The following ADAMTS9 variants were observed in gnomAD, a reference collection of about 807,000 sequenced individuals.
ADAMTS9 encodes ADAM metallopeptidase with thrombospondin type 1 motif 9.
A neutral mutation model predicts 257.1 loss-of-function variants in ADAMTS9; 107 were observed. The ratio of observed to expected loss-of-function variants is 0.42; its 90% CI spans 0.36 to 0.49. The LOEUF is 0.49. ADAMTS9 is among the 20% of genes least tolerant of loss of function. ADAMTS9 has a pLI of 0.03. For synonymous variants in ADAMTS9, 982 were observed against 880.9 expected, an observed-to-expected ratio of 1.11 and a Z score of -2.03; for missense variants, 2,353 against 2,469.1, an observed-to-expected ratio of 0.95 and a Z score of 1.00.
chr3:64,663,291 G>A (rs959931784), intron 3 of ADAMTS9, among the ~76,000 whole-genome samples: 17 of 151,974 alleles, frequency 1.1e-4, no homozygotes, highest in African/African-American at 3.9e-4. Context: ...GTTTAAAAAA[G>A]AGAAACTATA....
intron 28 of ADAMTS9, among the ~76,000 whole-genome samples, chr3:64,577,983 G>T (rs891034508): frequency 6.6e-6 from 1 of 152,180 alleles, no homozygotes; most frequent in African/African-American, 2.4e-5. Context: ...AGGCCAGCAT[G>T]TCAGGTAGAC....
At chr3:64,640,094 A>G (rs1019973623) in intron 12 of ADAMTS9, among the ~76,000 whole-genome samples, 1 of 152,254 alleles carries the variant, frequency 6.6e-6, no homozygotes, top group Non-Finnish European at 1.5e-5. Context: ...TAGGCTATAT[A>G]GAAAATCTAA....
In ADAMTS9 at chr3:64,641,925, A is replaced by G; in HGVS notation, c.1779T>C (p.Ser593=). 1 of 1,614,054 alleles carries G rather than the reference A, an allele frequency of 6.2e-7. No homozygotes were observed. The highest frequency in any genetic ancestry group is 8.5e-7 in the Non-Finnish European group (1 of 1,180,004). The change falls in exon 12 of 40, where the codon AGT becomes AGC. Residue 593 remains serine (S), a synonymous_variant. Coordinates refer to ENST00000498707, the MANE Select transcript of ADAMTS9 (RefSeq NM_182920.2). ...DVPVTDGSWG[S]WSPFGTCSRT... ...TGGAGCAGGTTCCAAAGGGACTCCA[A>G]CTTCCCCAGGATCCATCTGTCACGG...
In ADAMTS9 at chr3:64,570,675, G is replaced by A. The variant is rs146952928; in HGVS notation, c.4357-2140C>T. On this transcript the variant is annotated intron_variant, in intron 28 of 39. Transcript: ENST00000498707. ...AGCGCCACTGTACTCCAGCCTGGGC[G>A]AAAGAGCAAGACTCCGTCTCAAAAA... Among the ~76,000 whole-genome samples, 1,143 of 115,166 alleles carry A rather than the reference G, an allele frequency of 9.9e-3. 19 individuals are homozygous for A. The highest frequency in any genetic ancestry group is 0.035 in the African/African-American group (1,072 of 30,474). The allele number at this position is 115,166 out of a possible 152,430, so 75.6% of individuals were successfully genotyped here.
intron 19 of ADAMTS9, among the ~76,000 whole-genome samples, chr3:64,616,690 C>T (rs1482170192): frequency 6.6e-6 from 1 of 151,770 alleles, no homozygotes; most frequent in East Asian, 1.9e-4. Flanking sequence ...TCTTTTAATA[C>T]CCTAGGAATA....
At chr3:64,628,158 C>T (rs1006673080) in intron 16 of ADAMTS9, among the ~76,000 whole-genome samples, 1 of 152,200 alleles carries the variant, frequency 6.6e-6, no homozygotes, top group Admixed American at 6.5e-5. Context: ...AGTGTCATAA[C>T]TGGCTCAGAT....
intron 3 of ADAMTS9, among the ~76,000 whole-genome samples, chr3:64,679,361 T>G (rs976100809): frequency 6.6e-6 from 1 of 152,134 alleles, no homozygotes; most frequent in Non-Finnish European, 1.5e-5. Context: ...GGGTCATCAT[T>G]GTGGACTAGC....
intron 26 of ADAMTS9, 110 bp downstream of exon 26, chr3:64,601,834 G>T: frequency 7.6e-7 from 1 of 1,316,404 alleles, no homozygotes; most frequent in Non-Finnish European, 1.0e-6. Flanking sequence ...AATGCACAAT[G>T]TCAATCCCTT....
At chr3:64,650,954 A>C in intron 9 of ADAMTS9, 63 bp downstream of exon 9, 1 of 1,486,112 alleles carries the variant, frequency 6.7e-7, no homozygotes, top group Admixed American at 2.4e-5. Context: ...CTTTCCCACA[A>C]TTAGTTCACT....
intron 28 of ADAMTS9, among the ~76,000 whole-genome samples, chr3:64,573,185 C>T (rs1260312060): frequency 4.0e-5 from 6 of 151,872 alleles, no homozygotes; most frequent in Admixed American, 3.9e-4. Flanking sequence ...TGAGTTATAG[C>T]AGATGCCTGC....
chr3:64,563,411 T>C (rs893125652), intron 29 of ADAMTS9: 2 of 152,182 alleles, frequency 1.3e-5, no homozygotes, highest in African/African-American at 4.8e-5. Flanking sequence ...AGAAAGAATA[T>C]TGTAAACAAA....
chr3:64,558,310 T>C (rs1389253069), intron 30 of ADAMTS9, among the ~76,000 whole-genome samples: 1 of 152,180 alleles, frequency 6.6e-6, no homozygotes, highest in Non-Finnish European at 1.5e-5. Context: ...AAGCCGCAAG[T>C]TGCCCCTATT....
At chr3:64,551,502 C>A (rs766280038) in intron 30 of ADAMTS9, among the ~76,000 whole-genome samples, 4 of 152,200 alleles carry the variant, frequency 2.6e-5, no homozygotes, top group Non-Finnish European at 5.9e-5. Flanking sequence ...AGCCACCACT[C>A]CCGGCCGAGA....
At chr3:64,575,086 T>TTA (rs1202298330) in intron 28 of ADAMTS9, among the ~76,000 whole-genome samples, 1 of 152,172 alleles carries the variant, frequency 6.6e-6, no homozygotes, top group African/African-American at 2.4e-5. Context: ...TTTTCAGGGT[T>TTA]TATTAACTCG....
chr3:64,660,580 C>A (rs1701197724), intron 3 of ADAMTS9, among the ~76,000 whole-genome samples: 1 of 152,166 alleles, frequency 6.6e-6, no homozygotes, highest in South Asian at 2.1e-4. Flanking sequence ...CTGCCTGGGG[C>A]TGGAAATCAT....
At position 64,561,749 on chromosome 3, in the gene ADAMTS9, G is replaced by A; in HGVS notation, c.4527C>T (p.Cys1509=). ...PKWKAGAWSQ[C]SVSCGRGVQQ... Reference sequence around the variant, plus strand: ...GTACGCCTCGGCCACAGGACACAGAGCACTAAGAAGACAGAGAACGTAAGT... The same window carrying A: ...GTACGCCTCGGCCACAGGACACAGAACACTAAGAAGACAGAGAACGTAAGT... The change falls in exon 30 of 40, where the codon TGC becomes TGT. Residue 1509 remains cysteine (C), a splice_region_variant and synonymous_variant. Coordinates refer to ENST00000498707, the MANE Select transcript of ADAMTS9 (RefSeq NM_182920.2). 1.4e-6 allele frequency: 2 copies of A among 1,438,848 alleles called. No individual in the cohort carries two copies. The highest frequency in any genetic ancestry group is 1.9e-6 in the Non-Finnish European group (2 of 1,076,404). The allele number at this position is 1,438,848 out of a possible 1,614,324, so 89.1% of individuals were successfully genotyped here. A position where few individuals can be genotyped will look rare whatever the true frequency, so the allele number is the denominator to read the frequency against.
intron 38 of ADAMTS9, among the ~76,000 whole-genome samples, chr3:64,523,960 A>C (rs2106874213): frequency 6.6e-6 from 1 of 152,304 alleles, no homozygotes; most frequent in South Asian, 2.1e-4. Flanking sequence ...ATGTTTCTCA[A>C]TGGATTGTAC....
At chr3:64,649,898 T>C in intron 9 of ADAMTS9, 120 bp from the exon 10 acceptor site, 1 of 1,243,906 alleles carries the variant, frequency 8.0e-7, no homozygotes, top group South Asian at 1.6e-5. Flanking sequence ...CTTTTTAACA[T>C]GTGCTTTATT....
At chr3:64,641,752 A>T in intron 12 of ADAMTS9, 96 bp downstream of exon 12, 4 of 1,486,498 alleles carry the variant, frequency 2.7e-6, no homozygotes, top group Non-Finnish European at 3.7e-6. Context: ...CTAGCTCTCT[A>T]AGTTGGAATG....
Sources: gnomAD v4.1 joint callset for allele counts (sites outside exome capture counted in the v4.1 genomes callset) on GRCh38, gnomAD v4.1.1 for gene constraint, MANE v1.5 for transcripts, NCBI Gene and HGNC (gene_info 2026-07-23, HGNC 2026-07-21) for gene names.